CRADD: variants seen among roughly 807,000 people sequenced by gnomAD.
CRADD encodes CARD and death domain containing adaptor protein.
A neutral mutation model predicts 15.5 loss-of-function variants in CRADD; 9 were observed. The observed-to-expected ratio is 0.58, with a 90% CI of 0.35 to 1.01. The LOEUF (loss-of-function observed/expected upper bound fraction) is 1.01, where lower values mean the gene tolerates loss of function less well. Ranked by LOEUF, CRADD falls within the 50% of genes least tolerant of loss-of-function variation. CRADD has a pLI of 0.02. For missense variants in CRADD, 227 were observed against 250.3 expected (o/e 0.91, Z 0.63); for synonymous variants, 118 against 107.6 (o/e 1.10, Z -0.60).
intron 2 of CRADD, among the ~76,000 whole-genome samples, chr12:93,878,376 C>G (rs961226210): frequency 6.6e-6 from 1 of 152,102 alleles, no homozygotes; most frequent in African/African-American, 2.4e-5. Flanking sequence ...ACACAGTACT[C>G]CTCACTCTTC....
At chr12:93,681,879 A>G (rs180822237) in intron 2 of CRADD, among the ~76,000 whole-genome samples, 3,234 of 152,144 alleles carry the variant, frequency 0.021, 48 homozygotes, top group African/African-American at 0.033. Context: ...GTGTGTGTGT[A>G]TATGTATATA....
intron 2 of CRADD, among the ~76,000 whole-genome samples, chr12:93,779,011 A>G (rs1349180355): frequency 1.3e-5 from 2 of 152,212 alleles, no homozygotes; most frequent in Admixed American, 6.5e-5. Flanking sequence ...CCAAAGCGTT[A>G]TGCCTGAACA....
chr12:93,697,810 A>G (rs540811837), intron 2 of CRADD, among the ~76,000 whole-genome samples: 1 of 152,318 alleles, frequency 6.6e-6, no homozygotes, highest in South Asian at 2.1e-4. Flanking sequence ...AACTTTTATA[A>G]GGGAGTGAAG....
intron 2 of CRADD, among the ~76,000 whole-genome samples, chr12:93,698,372 GTATA>G (rs1955761785): frequency 6.6e-6 from 1 of 152,158 alleles, no homozygotes; most frequent in African/African-American, 2.4e-5. Context: ...GTTTAACAAA[GTATA>G]TATACTTTTT....
intron 2 of CRADD, among the ~76,000 whole-genome samples, chr12:93,773,266 T>C (rs1306368376): frequency 6.6e-6 from 1 of 152,198 alleles, no homozygotes; most frequent in East Asian, 1.9e-4. Flanking sequence ...ACATCTCATC[T>C]TGAATTCCCA....
chr12:93,807,474 C>T (rs572684858), intron 2 of CRADD, among the ~76,000 whole-genome samples: 9 of 152,184 alleles, frequency 5.9e-5, no homozygotes, highest in Non-Finnish European at 7.4e-5. Context: ...GGATCAAGAA[C>T]GAGGCAGCCA....
At chr12:93,769,421 A>G (rs532141752) in intron 2 of CRADD, among the ~76,000 whole-genome samples, 3 of 152,250 alleles carry the variant, frequency 2.0e-5, no homozygotes, top group Non-Finnish European at 2.9e-5. Context: ...GGTTGTTTCC[A>G]GTTGCGGGCT....
At chr12:93,818,004 C>G (rs770982719) in intron 2 of CRADD, among the ~76,000 whole-genome samples, 1 of 152,210 alleles carries the variant, frequency 6.6e-6, no homozygotes, top group Non-Finnish European at 1.5e-5. Flanking sequence ...CCCGCCAGGT[C>G]TGGTCCTCAG....
Position 93,850,330 on chromosome 12 carries a change from C to CT in CRADD, c.*62dup. 1 of 1,520,852 alleles carries CT rather than the reference C, an allele frequency of 6.6e-7. No homozygotes were observed. The highest frequency in any genetic ancestry group is 1.3e-5 in the South Asian group (1 of 76,540). The allele number at this position is 1,520,852 out of a possible 1,614,324, so 94.2% of individuals were successfully genotyped here. On this transcript the variant is annotated 3_prime_UTR_variant, in exon 3 of 3. Coordinates refer to ENST00000332896, the MANE Select transcript of CRADD (RefSeq NM_003805.5). The surrounding 1 kb of genome is among the most constrained non-coding windows in gnomAD (Gnocchi z 4.0). ...CTGAGTCATGTGGGCTGAATCCTGA[C>CT]TTTCACTCAGAGCAGGTGGTTTTTT... is the stretch of plus-strand genomic sequence containing the variant.
chr12:93,852,380 T>C (rs748874345), downstream of CRADD, among the ~76,000 whole-genome samples: 2 of 152,214 alleles, frequency 1.3e-5, no homozygotes, highest in Admixed American at 6.5e-5. Flanking sequence ...ATAAAGACAC[T>C]CGTGGGCTCT....
intron 2 of CRADD, among the ~76,000 whole-genome samples, chr12:93,863,743 C>T (rs1459670662): frequency 6.6e-6 from 1 of 151,666 alleles, no homozygotes; most frequent in Non-Finnish European, 1.5e-5. Context: ...GTTGCCCCAC[C>T]CAAAATACCA....
intron 2 of CRADD, chr12:93,893,906 G>GAAA: frequency 5.9e-6 from 3 of 508,972 alleles, no homozygotes; most frequent in Non-Finnish European, 7.1e-6. Flanking sequence ...TCTCAAAAAA[G>GAAA]AAAAAAAAAA....
intron 2 of CRADD, among the ~76,000 whole-genome samples, chr12:93,792,815 C>A (rs11830685): frequency 0.099 from 15,001 of 152,186 alleles, 1,228 homozygotes; most frequent in African/African-American, 0.22. Flanking sequence ...TTTGAACCTG[C>A]ACTCTCTAGA....
rs528229057 is a variant in CRADD, at chr12:93,802,067, AC to A, written c.299-47901del. Among the ~76,000 whole-genome samples, 169 of 152,160 alleles carry A rather than the reference AC, an allele frequency of 1.1e-3. 3 individuals carry two copies. Among genetic ancestry groups the A allele is most frequent in the African/African-American group, 4.0e-3 (165 of 41,530 alleles). ...GAGTGGTATTCCATGGCATATATACACCGTGTTTTCTTTATCCATTCGTTGG... is the reference window on the plus strand; with the variant it reads ...GAGTGGTATTCCATGGCATATATACACGTGTTTTCTTTATCCATTCGTTGG... On this transcript the variant is annotated intron_variant, in intron 2 of 2. Coordinates refer to ENST00000332896, the MANE Select transcript of CRADD (RefSeq NM_003805.5).
At chr12:93,704,248 C>T (rs1266378890) in intron 2 of CRADD, among the ~76,000 whole-genome samples, 1 of 152,108 alleles carries the variant, frequency 6.6e-6, no homozygotes, top group East Asian at 1.9e-4. Context: ...GTTCTAATTC[C>T]AGCTCTTCAA....
intron 2 of CRADD, among the ~76,000 whole-genome samples, chr12:93,729,734 G>A (rs532699832): frequency 1.3e-5 from 2 of 149,734 alleles, no homozygotes; most frequent in East Asian, 2.0e-4. Flanking sequence ...GCAGTGAGCC[G>A]AGATTGCGCC....
chr12:93,779,717 G>A (rs1349687446), intron 2 of CRADD, among the ~76,000 whole-genome samples: 1 of 151,858 alleles, frequency 6.6e-6, no homozygotes, highest in African/African-American at 2.4e-5. Flanking sequence ...AGCCTCTGGA[G>A]TAGCTGGGAC....
chr12:93,838,011 T>G (rs1957994729), intron 2 of CRADD: 1 of 152,180 alleles, frequency 6.6e-6, no homozygotes, highest in Non-Finnish European at 1.5e-5. Flanking sequence ...TCAAATCAAG[T>G]CTTCCATTAC....
At chr12:93,804,378 G>C (rs1957511743) in intron 2 of CRADD, among the ~76,000 whole-genome samples, 1 of 152,072 alleles carries the variant, frequency 6.6e-6, no homozygotes, top group East Asian at 1.9e-4. Context: ...TCAAATATCT[G>C]GATTTTGGAA....
Sources: allele counts gnomAD v4.1 joint callset (sites outside exome capture counted in the v4.1 genomes callset), GRCh38; gene constraint gnomAD v4.1.1; non-coding constraint Gnocchi (gnomAD v3.1); transcripts MANE v1.5; gene names NCBI Gene and HGNC (gene_info 2026-07-23, HGNC 2026-07-21).